Variants in MACROD2 observed in about 807,000 individuals in gnomAD.
MACROD2 encodes ADP-ribose glycohydrolase MACROD2.
In MACROD2, 36 loss-of-function variants were observed where a neutral mutation model predicts 70.4. That is an observed-to-expected ratio of 0.51 (90% CI 0.39 to 0.68). The LOEUF (loss-of-function observed/expected upper bound fraction) is 0.68. Ranked by LOEUF, MACROD2 falls within the 30% of genes least tolerant of loss-of-function variation. The probability of loss-of-function intolerance (pLI) is 0.00; values close to 1 mark genes in which losing one functional copy is unlikely to be tolerated. For synonymous variants in MACROD2, 172 were observed against 178.8 expected, an observed-to-expected ratio of 0.96 and a Z score of 0.30; for missense variants, 496 against 538.4, an observed-to-expected ratio of 0.92 and a Z score of 0.78.
chr20:14,723,246 A>G (rs995139674), intron 5 of MACROD2, among the ~76,000 whole-genome samples: 2 of 152,146 alleles, frequency 1.3e-5, no homozygotes, highest in East Asian at 1.9e-4. Flanking sequence ...GCTGGGCTGC[A>G]GTTTTCTCAT....
chr20:14,030,344 C>T (rs2053231090), intron 2 of MACROD2, among the ~76,000 whole-genome samples: 1 of 152,062 alleles, frequency 6.6e-6, no homozygotes, highest in African/African-American at 2.4e-5. Context: ...AGCCTATACT[C>T]TTCTAATTTT....
At chr20:15,407,432 T>C (rs2146318685) in intron 6 of MACROD2, among the ~76,000 whole-genome samples, 1 of 152,356 alleles carries the variant, frequency 6.6e-6, no homozygotes, top group Middle Eastern at 3.4e-3. Flanking sequence ...GTGCTTTCTG[T>C]AATTGCCTCC....
chr20:14,233,722 AAG>A (rs2081842786), intron 3 of MACROD2, among the ~76,000 whole-genome samples: 1 of 147,382 alleles, frequency 6.8e-6, no homozygotes, highest in African/African-American at 2.5e-5. Flanking sequence ...AAGAAAAGAA[AAG>A]AAAAGAAATG....
intron 6 of MACROD2, among the ~76,000 whole-genome samples, chr20:15,375,491 C>T (rs1241729631): frequency 3.3e-5 from 5 of 152,054 alleles, no homozygotes; most frequent in Admixed American, 6.6e-5. Context: ...GGAAAAATCT[C>T]GGTATGCCAA....
chr20:14,827,692 G>GA (rs1472204784), intron 5 of MACROD2, among the ~76,000 whole-genome samples: 152 of 138,376 alleles, frequency 1.1e-3, no homozygotes, highest in Middle Eastern at 7.5e-3. Flanking sequence ...CTCCTTGCCA[G>GA]AAAAAAAAAA....
At chr20:14,265,234 C>G (rs487231) in intron 3 of MACROD2, among the ~76,000 whole-genome samples, 2 of 152,206 alleles carry the variant, frequency 1.3e-5, no homozygotes, top group Non-Finnish European at 2.9e-5. Context: ...AGATGATCAG[C>G]TGATTCTTTC....
At chr20:14,253,397 G>A (rs1208994928) in intron 3 of MACROD2, among the ~76,000 whole-genome samples, 1 of 151,932 alleles carries the variant, frequency 6.6e-6, no homozygotes, top group Non-Finnish European at 1.5e-5. Context: ...GCAGAACATA[G>A]GTGATTAATC....
At chr20:14,141,872 TTA>T (rs1342750169) in intron 3 of MACROD2, among the ~76,000 whole-genome samples, 5 of 151,914 alleles carry the variant, frequency 3.3e-5, no homozygotes, top group African/African-American at 1.2e-4. Flanking sequence ...GCTTAAAAAA[TTA>T]TATGTCTACA....
At chr20:14,774,393 C>T (rs551937655) in intron 5 of MACROD2, among the ~76,000 whole-genome samples, 2 of 152,090 alleles carry the variant, frequency 1.3e-5, no homozygotes, top group Non-Finnish European at 1.5e-5. Flanking sequence ...TATTCAAGGT[C>T]TAATTATTTT....
intron 6 of MACROD2, among the ~76,000 whole-genome samples, chr20:15,278,868 G>T (rs1322741460): frequency 6.6e-6 from 1 of 152,176 alleles, no homozygotes; most frequent in Non-Finnish European, 1.5e-5. Flanking sequence ...CACTTAGTGT[G>T]ACAGTCCTTA....
chr20:14,276,513 A>T (rs1738803357), intron 3 of MACROD2, among the ~76,000 whole-genome samples: 1 of 146,738 alleles, frequency 6.8e-6, no homozygotes, highest in Non-Finnish European at 1.5e-5. Context: ...GCATTAGGAG[A>T]TATACCTAAT....
chr20:14,359,566 C>A (rs577179346), intron 3 of MACROD2, among the ~76,000 whole-genome samples: 1 of 152,316 alleles, frequency 6.6e-6, no homozygotes, highest in Non-Finnish European at 1.5e-5. Context: ...CCTAAGTATT[C>A]ATCAATGGAT....
At chr20:16,031,615 C>T (rs574188144) in intron 15 of MACROD2, among the ~76,000 whole-genome samples, 32 of 152,140 alleles carry the variant, frequency 2.1e-4, no homozygotes, top group Admixed American at 2.0e-3. Flanking sequence ...TATGATATAT[C>T]TATATTTATG....
chr20:14,441,873 C>T (rs888584249), intron 3 of MACROD2, among the ~76,000 whole-genome samples: 7 of 151,456 alleles, frequency 4.6e-5, no homozygotes, highest in South Asian at 4.2e-4. Context: ...GTGATGTACG[C>T]GTTTACGAAG....
At chr20:15,200,708 A>G (rs1410788334) in intron 5 of MACROD2, among the ~76,000 whole-genome samples, 3 of 152,228 alleles carry the variant, frequency 2.0e-5, no homozygotes, top group Admixed American at 2.0e-4. Flanking sequence ...AGATTTCACT[A>G]TAGGTAATCT....
intron 5 of MACROD2, among the ~76,000 whole-genome samples, chr20:14,761,891 C>T (rs536172434): frequency 6.6e-6 from 1 of 152,132 alleles, no homozygotes; most frequent in Non-Finnish European, 1.5e-5. Flanking sequence ...ACAATGAAAA[C>T]AAGTCAGTAA....
At chr20:14,371,858 C>T (rs769289749) in intron 3 of MACROD2, among the ~76,000 whole-genome samples, 17 of 151,400 alleles carry the variant, frequency 1.1e-4, no homozygotes, top group Non-Finnish European at 2.4e-4. Flanking sequence ...ATGAAGATTC[C>T]CATTCTTCAG....
intron 4 of MACROD2, among the ~76,000 whole-genome samples, chr20:14,657,923 A>G (rs557742362): frequency 6.6e-6 from 1 of 152,014 alleles, no homozygotes; most frequent in East Asian, 1.9e-4. Context: ...TGTGTGGCTT[A>G]GCATACTGAG....
intron 7 of MACROD2, among the ~76,000 whole-genome samples, chr20:15,437,938 T>C (rs962221782): frequency 2.0e-5 from 3 of 152,074 alleles, no homozygotes; most frequent in Non-Finnish European, 4.4e-5. Flanking sequence ...TCTTTGCTAT[T>C]GTGAATAGTG....
Sources: allele counts gnomAD v4.1 joint callset (sites outside exome capture counted in the v4.1 genomes callset), GRCh38; gene constraint gnomAD v4.1.1; transcripts MANE v1.5; gene names NCBI Gene and HGNC (gene_info 2026-07-23, HGNC 2026-07-21).